Variants in RAD51B observed in about 807,000 individuals in gnomAD.
RAD51B encodes the protein DNA repair protein RAD51 homolog 2.
Under a neutral mutation model 42.2 loss-of-function variants are expected in RAD51B, and 38 were observed. The observed-to-expected ratio is 0.90, with a 90% CI of 0.70 to 1.18. The LOEUF (loss-of-function observed/expected upper bound fraction) is 1.18. Ranked by LOEUF, RAD51B falls within the 50% of genes most tolerant of loss-of-function variation. RAD51B has a pLI of 0.00. For synonymous variants in RAD51B, 154 were observed against 145.2 expected, an observed-to-expected ratio of 1.06 and a Z score of -0.43; for missense variants, 373 against 400.7, an observed-to-expected ratio of 0.93 and a Z score of 0.59.
At chr14:68,050,570 A>G (rs2076375915) in intron 7 of RAD51B, among the ~76,000 whole-genome samples, 1 of 152,200 alleles carries the variant, frequency 6.6e-6, no homozygotes, top group South Asian at 2.1e-4. Context: ...AAATTTTGAT[A>G]ACTGTCTTTT....
chr14:68,661,555 C>G (rs1199855919), intron 11 of RAD51B, among the ~76,000 whole-genome samples: 1 of 152,186 alleles, frequency 6.6e-6, no homozygotes, highest in African/African-American at 2.4e-5. Context: ...CCAAAGGTCA[C>G]TTAAAGGAGA....
At chr14:67,843,263 G>T (rs988870999) in intron 4 of RAD51B, among the ~76,000 whole-genome samples, 1 of 149,350 alleles carries the variant, frequency 6.7e-6, no homozygotes, top group African/African-American at 2.5e-5. Context: ...TGGTCATTTT[G>T]CATTAGGTAT....
At position 67,846,328 on chromosome 14, in the gene RAD51B, C is replaced by T. The variant is rs538259676; in HGVS notation, c.315+11132C>T. On this transcript the variant is annotated intron_variant, in intron 4 of 10. Coordinates refer to ENST00000471583, the MANE Select transcript of RAD51B (RefSeq NM_133510.4). ...GGGGGGTGGCGTGTGGGTTGCTGTCCTCCGTATGCGCGTTTGCAGTGGCAA... is the reference window on the plus strand; with the variant it reads ...GGGGGGTGGCGTGTGGGTTGCTGTCTTCCGTATGCGCGTTTGCAGTGGCAA... Among the ~76,000 whole-genome samples the T allele has an allele frequency of 5.3e-5, 8 of 152,232 alleles. No homozygotes were observed. The East Asian group carries it at 1.5e-3, about 29-fold the overall frequency.
chr14:67,820,432 T>C (rs528131707), intron 1 of RAD51B, among the ~76,000 whole-genome samples: 94 of 152,166 alleles, frequency 6.2e-4, no homozygotes, highest in Non-Finnish European at 9.4e-4. Flanking sequence ...GTTGAACATC[T>C]AACATGAAGA....
At position 68,643,579 on chromosome 14, in the gene RAD51B, G is replaced by A. The variant is rs190920261; in HGVS notation, c.1037-7202G>A. Among the ~76,000 whole-genome samples the A allele has an allele frequency of 6.6e-5, 10 of 152,284 alleles. No homozygotes were observed. The East Asian group carries it at 1.9e-3, about 29-fold the overall frequency. On this transcript the variant is annotated intron_variant, in intron 10 of 11. Coordinates refer to the RAD51B transcript ENST00000488612. ...ACTCCTTATTTCAGAGGGGAGAAAA[G>A]AGCAGTCATAGATCCAAGATAAAAT...
chr14:68,142,284 C>A (rs1448252688), intron 7 of RAD51B, among the ~76,000 whole-genome samples: 2 of 152,058 alleles, frequency 1.3e-5, no homozygotes, highest in Non-Finnish European at 2.9e-5. Context: ...ATCTACCTAC[C>A]CCTCCACTCT....
At chr14:67,894,817 T>C (rs1423034564) in intron 7 of RAD51B, among the ~76,000 whole-genome samples, 3 of 152,210 alleles carry the variant, frequency 2.0e-5, no homozygotes, top group Admixed American at 1.3e-4. Context: ...GGTCTCTCTC[T>C]TTCCCAGGCA....
At position 68,072,122 on chromosome 14, in the gene RAD51B, AAT is replaced by A. The variant is rs1162020540; in HGVS notation, c.756+184928_756+184929del. ...TATATAAAATATAAAAAATATATAA[AAT>A]ATATATATAATTATATATATATTTT... On this transcript the variant is annotated intron_variant, in intron 7 of 10. Coordinates refer to ENST00000471583, the MANE Select transcript of RAD51B (RefSeq NM_133510.4). Among the ~76,000 whole-genome samples, 34 of 122,442 alleles carry A rather than the reference AAT, an allele frequency of 2.8e-4. 1 individual carries two copies. The highest frequency in any genetic ancestry group is 6.2e-4 in the East Asian group (3 of 4,856). The allele number at this position is 122,442 out of a possible 152,430, so 80.3% of individuals were successfully genotyped here.
At chr14:68,125,211 A>C (rs1346769605) in intron 7 of RAD51B, 1 of 152,206 alleles carries the variant, frequency 6.6e-6, no homozygotes, top group Non-Finnish European at 1.5e-5. Flanking sequence ...CAATTACTGA[A>C]TCAAGCAAGT....
chr14:68,617,854 A>G (rs995182788), intron 10 of RAD51B, among the ~76,000 whole-genome samples: 13 of 152,164 alleles, frequency 8.5e-5, no homozygotes, highest in African/African-American at 2.7e-4. Flanking sequence ...GCCAACCTCT[A>G]TATTTTTCAT....
chr14:68,356,224 A>C (rs571122022), intron 8 of RAD51B, among the ~76,000 whole-genome samples: 12 of 152,280 alleles, frequency 7.9e-5, no homozygotes, highest in Admixed American at 2.6e-4. Flanking sequence ...CAAGGTCAGG[A>C]GATCGAGACT....
intron 10 of RAD51B, among the ~76,000 whole-genome samples, chr14:68,474,710 C>G (rs1882412026): frequency 6.6e-6 from 1 of 152,198 alleles, no homozygotes; most frequent in Admixed American, 6.5e-5. Flanking sequence ...CTTCATGAGC[C>G]TCTGTTGAGA....
chr14:68,289,069 AG>A (rs944310085), intron 7 of RAD51B, among the ~76,000 whole-genome samples: 2 of 152,216 alleles, frequency 1.3e-5, no homozygotes, highest in African/African-American at 4.8e-5. Context: ...GGACTAAAAT[AG>A]GTAGAAATGA....
intron 11 of RAD51B, among the ~76,000 whole-genome samples, chr14:68,662,153 C>A (rs1892945955): frequency 6.6e-6 from 1 of 152,230 alleles, no homozygotes; most frequent in African/African-American, 2.4e-5. Context: ...TCATCTTCAA[C>A]ACTCTTCTTC....
intron 8 of RAD51B, among the ~76,000 whole-genome samples, chr14:68,397,445 C>G (rs1470597572): frequency 6.6e-6 from 1 of 152,224 alleles, no homozygotes; most frequent in Non-Finnish European, 1.5e-5. Context: ...CTTGACTGCC[C>G]TACCCTCCAC....
intron 5 of RAD51B, among the ~76,000 whole-genome samples, chr14:67,874,261 A>C (rs936864191): frequency 6.6e-6 from 1 of 152,200 alleles, no homozygotes; most frequent in Non-Finnish European, 1.5e-5. Flanking sequence ...GTTGTTAATC[A>C]TGCTTGTTCA....
intron 8 of RAD51B, among the ~76,000 whole-genome samples, chr14:68,371,056 G>GAAAAAA (rs869154803): frequency 1.1e-5 from 1 of 90,634 alleles, no homozygotes; most frequent in Non-Finnish European, 2.1e-5. Flanking sequence ...AAAAAAAAAA[G>GAAAAAA]AAAAAAAGAA....
intron 7 of RAD51B, among the ~76,000 whole-genome samples, chr14:68,043,336 C>T (rs1462835913): frequency 6.6e-6 from 1 of 152,158 alleles, no homozygotes; most frequent in Non-Finnish European, 1.5e-5. Flanking sequence ...TCCTAAGATG[C>T]ATTTTGCCAA....
chr14:68,592,197 A>T (rs1049613091), intron 10 of RAD51B, among the ~76,000 whole-genome samples: 2 of 151,986 alleles, frequency 1.3e-5, no homozygotes, highest in Non-Finnish European at 2.9e-5. Flanking sequence ...GCTAAACCCC[A>T]GATGTCTTCA....
Sources: gnomAD v4.1 joint callset for allele counts (sites outside exome capture counted in the v4.1 genomes callset) on GRCh38, gnomAD v4.1.1 for gene constraint, MANE v1.5 for transcripts, NCBI Gene and HGNC (gene_info 2026-07-23, HGNC 2026-07-21) for gene names.